Variants in MCU observed in about 807,000 individuals in gnomAD.
The protein encoded by MCU is calcium uniporter protein, mitochondrial.
In MCU, 12 loss-of-function variants were observed where a neutral mutation model predicts 45.2. The observed-to-expected ratio is 0.27, with a 90% CI of 0.17 to 0.43. The LOEUF (loss-of-function observed/expected upper bound fraction) is 0.43, where lower values mean the gene tolerates loss of function less well. Among genes scored for constraint, MCU ranks in the 20% least tolerant of loss-of-function variants. The probability of loss-of-function intolerance (pLI) is 1.00; values close to 1 mark genes in which losing one functional copy is unlikely to be tolerated. For missense variants in MCU, 324 were observed against 436.7 expected, an observed-to-expected ratio of 0.74 and a Z score of 2.30; for synonymous variants, 160 against 165.1, an observed-to-expected ratio of 0.97 and a Z score of 0.24.
chr10:72,811,316 A>C lies in MCU; in HGVS notation c.151-23043A>C, dbSNP rs1472892437. Among the ~76,000 whole-genome samples, 3 of 152,174 alleles carry C rather than the reference A, an allele frequency of 2.0e-5. 1 individual carries two copies. The highest frequency in any genetic ancestry group is 4.4e-5 in the Non-Finnish European group (3 of 68,028). On this transcript the variant is annotated intron_variant, in intron 1 of 7. Coordinates refer to ENST00000373053, the MANE Select transcript of MCU (RefSeq NM_138357.3). ...TTCTAGACGCAATGAGCCAAAATAG[A>C]ATTTGTTGCGAACTTGTTAATGTGT...
In MCU at chr10:72,692,230, G is replaced by T. The variant is rs887998863; in HGVS notation, c.79G>T (p.Gly27Trp). Residue 27 changes from glycine (G) to tryptophan (W), a missense_variant, in exon 1 of 8, where the codon GGG becomes TGG. Physicochemically the swap from Gly to Trp is radical, Grantham distance 184. Around this residue, in one of 4 missense-constraint regions of MCU, gnomAD observed 111 missense variants for 112.3 expected, o/e 0.99. Transcript: ENST00000373053. The part of the protein sequence containing the change: ...GGGGGGAGGC[G>W]ALTAGCFPGL... ...CGGCGGCGGGGGCGCCGGCGGCTGC[G>T]GGGCGCTGACTGCCGGCTGCTTCCC... The T allele has an allele frequency of 1.6e-6, 2 of 1,242,962 alleles. No individual in the cohort carries two copies. Among genetic ancestry groups the T allele is most frequent in the African/African-American group, 1.6e-5 (1 of 64,298 alleles). The allele number at this position is 1,242,962 out of a possible 1,614,324, so 77.0% of individuals were successfully genotyped here.
At chr10:72,872,029 C>A (rs1010817904) in intron 6 of MCU, among the ~76,000 whole-genome samples, 3 of 152,132 alleles carry the variant, frequency 2.0e-5, no homozygotes, top group Non-Finnish European at 4.4e-5. Context: ...ACTCAGAAAT[C>A]CTCCTAAGTA....
rs751918414 is a variant in MCU, at chr10:72,810,461, C to CTT, written c.151-23874_151-23873dup. Among the ~76,000 whole-genome samples, 687 of 73,418 alleles carry CTT rather than the reference C, an allele frequency of 9.4e-3. 37 individuals carry two copies. Among genetic ancestry groups the CTT allele is most frequent in the African/African-American group, 0.033 (581 of 17,466 alleles). The allele number at this position is 73,418 out of a possible 152,430, so 48.2% of individuals were successfully genotyped here. ...ACATCAGTTAAGACAATTATGTTGC[C>CTT]TTTTTTTTTTTTTTTTTTTTTTTTT... On this transcript the variant is annotated intron_variant, in intron 1 of 7. Coordinates refer to ENST00000373053, the MANE Select transcript of MCU (RefSeq NM_138357.3).
chr10:72,840,644 T>C (rs1191943732), intron 2 of MCU, among the ~76,000 whole-genome samples: 1 of 152,178 alleles, frequency 6.6e-6, no homozygotes, highest in Non-Finnish European at 1.5e-5. Flanking sequence ...AAATGAAGCA[T>C]TAAAGCTACT....
rs1842937980 is a variant in MCU, at chr10:72,714,775, T to C, written c.150+22474T>C. 2.0e-5 allele frequency among the ~76,000 whole-genome samples: 3 copies of C among 151,390 alleles called. No homozygotes were observed. The South Asian group carries it at 6.2e-4, about 31-fold the overall frequency. ...GTCAGGCTGGTCTTGAATTCCCAAC[T>C]TCAGGTGATCTGCCCCCCCCTTGGC... On this transcript the variant is annotated intron_variant, in intron 1 of 7. Transcript: ENST00000373053.
chr10:72,725,641 C>T (rs553902983), intron 1 of MCU, among the ~76,000 whole-genome samples: 142 of 152,250 alleles, frequency 9.3e-4, no homozygotes, highest in Non-Finnish European at 1.6e-3. Flanking sequence ...ATAATCCCAA[C>T]ACTTTGGGAG....
chr10:72,844,795 G>A lies in MCU; in HGVS notation c.220+10367G>A, dbSNP rs978146179. On this transcript the variant is annotated intron_variant, in intron 2 of 7. Transcript: ENST00000373053. ...TTGAGGGCATCTAGGCATGAAACTA[G>A]TAAAAATAAAATGTAAGACATTTAT... is the stretch of plus-strand genomic sequence containing the variant. Among the ~76,000 whole-genome samples the A allele has an allele frequency of 1.5e-4, 23 of 152,126 alleles. No homozygotes were observed. In the East Asian group the frequency reaches 3.1e-3, roughly 20 times the overall value.
intron 1 of MCU, among the ~76,000 whole-genome samples, chr10:72,716,709 C>A (rs938905905): frequency 6.6e-6 from 1 of 150,608 alleles, no homozygotes; most frequent in African/African-American, 2.4e-5. Context: ...TATAGTGAGG[C>A]CCCATTAAAA....
At chr10:72,830,684 T>G (rs1416008048) in intron 1 of MCU, among the ~76,000 whole-genome samples, 2 of 152,094 alleles carry the variant, frequency 1.3e-5, no homozygotes. Flanking sequence ...GGAAGGAGAA[T>G]AAGATAAAAA....
chr10:72,727,250 A>T (rs1843114028), intron 1 of MCU, among the ~76,000 whole-genome samples: 2 of 152,222 alleles, frequency 1.3e-5, no homozygotes, highest in South Asian at 4.1e-4. Context: ...GATAACATCT[A>T]GAATAAAGAA....
intron 1 of MCU, among the ~76,000 whole-genome samples, chr10:72,778,394 G>A (rs890373236): frequency 6.6e-6 from 1 of 152,110 alleles, no homozygotes; most frequent in African/African-American, 2.4e-5. Context: ...TGGAACTGGA[G>A]CCCATAATGT....
In MCU at chr10:72,867,159, A is replaced by G. The variant is rs375553100; in HGVS notation, c.497-1544A>G. Among the ~76,000 whole-genome samples the G allele has an allele frequency of 8.2e-4, 124 of 151,520 alleles. 1 individual carries two copies. The Middle Eastern group carries it at 0.017, about 21-fold the overall frequency. On this transcript the variant is annotated intron_variant, in intron 4 of 7. Transcript: ENST00000373053. ...GAATTTTTTCATTGATTGAACTTCT[A>G]TAATAACTGTAGTAAAGGACATCCT...
intron 1 of MCU, among the ~76,000 whole-genome samples, chr10:72,713,550 G>A (rs1406553099): frequency 1.3e-5 from 2 of 152,140 alleles, no homozygotes; most frequent in African/African-American, 2.4e-5. Flanking sequence ...TGGTTTTCTT[G>A]CTAACTACAC....
intron 1 of MCU, among the ~76,000 whole-genome samples, chr10:72,697,743 T>C (rs1215005841): frequency 6.6e-6 from 1 of 152,126 alleles, no homozygotes. Flanking sequence ...TGACTTCTTT[T>C]ATTTTTAAGG....
At chr10:72,818,707 G>A (rs1844663261) in intron 1 of MCU, among the ~76,000 whole-genome samples, 1 of 152,028 alleles carries the variant, frequency 6.6e-6, no homozygotes, top group Admixed American at 6.6e-5. Context: ...CGGGCGTGGT[G>A]GTGCATACGT....
At chr10:72,770,815 T>C (rs1843795211) in intron 1 of MCU, among the ~76,000 whole-genome samples, 1 of 152,154 alleles carries the variant, frequency 6.6e-6, no homozygotes, top group South Asian at 2.1e-4. Context: ...TATATTATCC[T>C]ATATAATTGC....
At chr10:72,739,943 A>G (rs1275654104) in intron 1 of MCU, among the ~76,000 whole-genome samples, 2 of 151,660 alleles carry the variant, frequency 1.3e-5, no homozygotes, top group Non-Finnish European at 2.9e-5. Context: ...CCCAAAGTGC[A>G]GGGATTACAG....
intron 1 of MCU, among the ~76,000 whole-genome samples, chr10:72,718,370 T>G (rs759359081): frequency 6.6e-6 from 1 of 152,240 alleles, no homozygotes; most frequent in Non-Finnish European, 1.5e-5. Context: ...TTTGGTTACT[T>G]CTGTCATTAA....
At chr10:72,781,792 A>T (rs936588378) in intron 1 of MCU, among the ~76,000 whole-genome samples, 1 of 152,046 alleles carries the variant, frequency 6.6e-6, no homozygotes. Flanking sequence ...TGGTTGCTGC[A>T]GTATGTTTAA....
Sources: allele counts gnomAD v4.1 joint callset (sites outside exome capture counted in the v4.1 genomes callset), GRCh38; gene constraint gnomAD v4.1.1; regional missense constraint gnomAD v4.1.1; transcripts MANE v1.5; gene names NCBI Gene and HGNC (gene_info 2026-07-23, HGNC 2026-07-21).